TSEN2: variants seen among roughly 807,000 people sequenced by gnomAD.
TSEN2 encodes tRNA-splicing endonuclease subunit Sen2.
A neutral mutation model predicts 59.2 loss-of-function variants in TSEN2; 54 were observed. That is an observed-to-expected ratio of 0.91 (90% CI 0.73 to 1.14). The LOEUF (loss-of-function observed/expected upper bound fraction) is 1.14. Among genes scored for constraint, TSEN2 ranks in the 50% most tolerant of loss-of-function variants. The pLI, the probability that TSEN2 is intolerant of heterozygous loss-of-function variation, is 0.00. For missense variants in TSEN2, 636 were observed against 576.2 expected, an observed-to-expected ratio of 1.10 and a Z score of -1.06; for synonymous variants, 195 against 198.2, an observed-to-expected ratio of 0.98 and a Z score of 0.14.
chr3:12,521,863 T>C (rs369649025), intron 8 of TSEN2, among the ~76,000 whole-genome samples: 1 of 151,846 alleles, frequency 6.6e-6, no homozygotes, highest in Non-Finnish European at 1.5e-5. Context: ...TACAAAAAAT[T>C]AGCCAGACGT....
At chr3:12,524,642 C>T (rs923655687) in intron 8 of TSEN2, among the ~76,000 whole-genome samples, 1 of 151,946 alleles carries the variant, frequency 6.6e-6, no homozygotes, top group Non-Finnish European at 1.5e-5. Flanking sequence ...TTCCAAGTCA[C>T]ATTCCACATT....
intron 10 of TSEN2, chr3:12,530,365 T>C (rs1259794038): frequency 6.1e-6 from 6 of 986,426 alleles, no homozygotes; most frequent in Non-Finnish European, 7.2e-6. Flanking sequence ...AGCCGTTGAG[T>C]GGCTAATCCA....
chr3:12,506,618 A>G, intron 6 of TSEN2: 1 of 917,416 alleles, frequency 1.1e-6, no homozygotes, highest in Non-Finnish European at 1.3e-6. Context: ...GGCCTTCCAT[A>G]AACTGCATCA....
chr3:12,508,301 G>T (rs1238994065), intron 6 of TSEN2, among the ~76,000 whole-genome samples: 2 of 152,212 alleles, frequency 1.3e-5, no homozygotes, highest in African/African-American at 4.8e-5. Context: ...GACAGGAGAT[G>T]AGGTTACTCT....
At chr3:12,526,546 A>G (rs948141386) in intron 8 of TSEN2, among the ~76,000 whole-genome samples, 13 of 152,334 alleles carry the variant, frequency 8.5e-5, no homozygotes, top group East Asian at 3.9e-4. Flanking sequence ...ACACTCTACC[A>G]TGTTTACACA....
chr3:12,503,411 T>C lies in TSEN2; in HGVS notation c.458T>C (p.Leu153Pro), dbSNP rs776280349. 1.2e-6 allele frequency: 2 copies of C among 1,614,146 alleles called. No homozygotes were observed. Among genetic ancestry groups the C allele is most frequent in the Non-Finnish European group, 1.7e-6 (2 of 1,180,030 alleles). ...RNEEAQVHDKLNSGMVSNMEG... is the reference protein window; with the variant it reads ...RNEEAQVHDKPNSGMVSNMEG... ...GAAGAGGCTCAAGTGCATGACAAGC[T>C]TAACTCTGGAATGGTTTCCAACATG... The change falls in exon 5 of 12, where the codon CTT (leucine) becomes CCT (proline). Residue 153 changes from leucine to proline, a missense_variant. Transcript: ENST00000284995.
downstream of TSEN2, among the ~76,000 whole-genome samples, chr3:12,536,066 C>T (rs2057667366): frequency 6.6e-6 from 1 of 152,180 alleles, no homozygotes; most frequent in African/African-American, 2.4e-5. Context: ...TAAGCATTGC[C>T]ATCCTTATTT....
In TSEN2 at chr3:12,519,088, A is replaced by C. The variant is rs113260160; in HGVS notation, c.990A>C (p.Lys330Asn). 4.3e-6 allele frequency: 7 copies of C among 1,614,088 alleles called. No homozygotes were observed. Among genetic ancestry groups the C allele is most frequent in the Non-Finnish European group, 5.1e-6 (6 of 1,180,038 alleles). The change falls in exon 8 of 12, where the codon AAA becomes AAC. Residue 330 changes from lysine (K) to asparagine (N), a missense_variant. Transcript: ENST00000284995. ...CTTTAACGATAGTGAAGCTCTGGAA[A>C]GCTTTCACTGTAGTTCAGCCCACGT... ...KEPLTIVKLW[K>N]AFTVVQPTFR...
chr3:12,512,971 G>A (rs551669568), intron 6 of TSEN2, among the ~76,000 whole-genome samples: 2 of 152,244 alleles, frequency 1.3e-5, no homozygotes, highest in East Asian at 3.9e-4. Context: ...TTAGTACTGC[G>A]AAAGTAAAAC....
At chr3:12,532,593 T>C in intron 11 of TSEN2, 69 bp from the exon 12 acceptor site, 1 of 1,459,424 alleles carries the variant, frequency 6.9e-7, no homozygotes, top group Non-Finnish European at 9.6e-7. Context: ...AGCTGTGGTG[T>C]CAGCTGTGGT....
chr3:12,521,527 C>G (rs1173281063), intron 8 of TSEN2, among the ~76,000 whole-genome samples: 3 of 151,710 alleles, frequency 2.0e-5, no homozygotes, highest in African/African-American at 4.8e-5. Context: ...CCAGCCTTGC[C>G]AACGTGGTGA....
At chr3:12,480,528 G>GGTTTTTTTTTTTTTT (rs1553565213), upstream of TSEN2, among the ~76,000 whole-genome samples, 49 of 91,744 alleles carry the variant, frequency 5.3e-4, 2 homozygotes, top group African/African-American at 1.6e-3. Flanking sequence ...TTGTTTCTTT[G>GGTTTTTTTTTTTTTT]TTTTTTTTTT....
chr3:12,527,547 G>A (rs187161759), intron 8 of TSEN2, among the ~76,000 whole-genome samples: 75 of 149,228 alleles, frequency 5.0e-4, no homozygotes, highest in African/African-American at 1.7e-3. Context: ...TCCGCCTCCC[G>A]GCCTTGAACT....
chr3:12,485,165 C>G (rs2052475654), intron 1 of TSEN2, among the ~76,000 whole-genome samples: 1 of 152,166 alleles, frequency 6.6e-6, no homozygotes, highest in Non-Finnish European at 1.5e-5. Context: ...GCAGATGGAG[C>G]TTGAAGCGTG....
intron 1 of TSEN2, among the ~76,000 whole-genome samples, chr3:12,488,036 CTG>C (rs1455995775): frequency 9.2e-5 from 14 of 152,158 alleles, no homozygotes; most frequent in African/African-American, 3.1e-4. Context: ...CCTCTTTAGT[CTG>C]TGTTTTTCTG....
Position 12,503,421 on chromosome 3 carries a change from A to G in TSEN2, c.468A>G (p.Gly156=). 6.2e-7 allele frequency: 1 copy of G among 1,614,202 alleles called. No homozygotes were observed. The highest frequency in any genetic ancestry group is 8.5e-7 in the Non-Finnish European group (1 of 1,180,034). ...EAQVHDKLNS[G]MVSNMEGTAG... ...AAGTGCATGACAAGCTTAACTCTGG[A>G]ATGGTTTCCAACATGGAAGGCACAG... is the stretch of plus-strand genomic sequence containing the variant. Residue 156 remains glycine (G), a synonymous_variant, in exon 5 of 12, where the codon GGA becomes GGG. Transcript: ENST00000284995.
At chr3:12,522,934 A>G (rs1207333785) in intron 8 of TSEN2, among the ~76,000 whole-genome samples, 2 of 152,162 alleles carry the variant, frequency 1.3e-5, no homozygotes, top group Non-Finnish European at 2.9e-5. Context: ...AGGGCCAGCC[A>G]GGCACCTTGC....
intron 8 of TSEN2, among the ~76,000 whole-genome samples, chr3:12,524,017 T>A (rs1006253282): frequency 1.3e-5 from 2 of 152,210 alleles, no homozygotes; most frequent in African/African-American, 4.8e-5. Flanking sequence ...CTGAGAAAAA[T>A]TAGAATTACT....
chr3:12,538,320 A>G (rs1017273168), downstream of TSEN2, among the ~76,000 whole-genome samples: 1 of 152,208 alleles, frequency 6.6e-6, no homozygotes, highest in African/African-American at 2.4e-5. Flanking sequence ...CTCCCGAAAG[A>G]GGGTGTGAAG....
Sources: allele counts gnomAD v4.1 joint callset (sites outside exome capture counted in the v4.1 genomes callset), GRCh38; gene constraint gnomAD v4.1.1; transcripts MANE v1.5; gene names NCBI Gene and HGNC (gene_info 2026-07-23, HGNC 2026-07-21).